Variants in ETFA observed in about 807,000 individuals in gnomAD.
ETFA encodes the protein electron transfer flavoprotein subunit alpha, mitochondrial.
A neutral mutation model predicts 46.2 loss-of-function variants in ETFA; 22 were observed. The ratio of observed to expected loss-of-function variants is 0.48; its 90% CI spans 0.34 to 0.68. The LOEUF (loss-of-function observed/expected upper bound fraction) is 0.68, where lower values mean the gene tolerates loss of function less well. ETFA is among the 30% of genes least tolerant of loss of function. The pLI, the probability that ETFA is intolerant of heterozygous loss-of-function variation, is 0.01. For missense variants in ETFA, 345 were observed against 401.1 expected (o/e 0.86, Z 1.19); for synonymous variants, 131 against 139.9 (o/e 0.94, Z 0.45).
chr15:76,227,617 C>T (rs1011079102), intron 10 of ETFA: 4 of 346,160 alleles, frequency 1.2e-5, no homozygotes, highest in Non-Finnish European at 1.7e-5. Flanking sequence ...ATGCTTCTAA[C>T]ACCACTGCAG....
intron 9 of ETFA, among the ~76,000 whole-genome samples, chr15:76,252,374 T>C (rs1050366702): frequency 1.3e-5 from 2 of 152,146 alleles, no homozygotes; most frequent in Non-Finnish European, 2.9e-5. Context: ...ATTTACACAC[T>C]CTCACCTCGT....
At chr15:76,275,662 C>G (rs761728457) in intron 8 of ETFA, among the ~76,000 whole-genome samples, 8 of 152,080 alleles carry the variant, frequency 5.3e-5, no homozygotes, top group Non-Finnish European at 1.0e-4. Flanking sequence ...ATTTGTTGCC[C>G]TTGTTCTTTT....
intron 8 of ETFA, among the ~76,000 whole-genome samples, chr15:76,279,039 T>C (rs2039623091): frequency 6.6e-6 from 1 of 152,194 alleles, no homozygotes; most frequent in Non-Finnish European, 1.5e-5. Flanking sequence ...TGTCCCAGCT[T>C]TATGAAGTCC....
intron 1 of ETFA, among the ~76,000 whole-genome samples, chr15:76,298,053 T>TC (rs1401859058): frequency 2.2e-5 from 3 of 138,846 alleles, no homozygotes; most frequent in Non-Finnish European, 3.2e-5. Context: ...AGATTTTTTT[T>TC]TTTTTTTGAG....
intron 9 of ETFA, among the ~76,000 whole-genome samples, chr15:76,268,664 A>G (rs1473541966): frequency 6.6e-6 from 1 of 152,216 alleles, no homozygotes. Flanking sequence ...AAGTTACAGA[A>G]GACAGACCTC....
At chr15:76,274,350 C>T in intron 9 of ETFA, 62 bp downstream of exon 9, 1 of 1,271,264 alleles carries the variant, frequency 7.9e-7, no homozygotes, top group Non-Finnish European at 1.1e-6. Flanking sequence ...CACTGTTCAA[C>T]AAATACATAC....
At chr15:76,229,243 C>T (rs1044675218) in intron 10 of ETFA, 1 of 152,180 alleles carries the variant, frequency 6.6e-6, no homozygotes, top group African/African-American at 2.4e-5. Flanking sequence ...GGGGCTATGA[C>T]AACACAGGAC....
In ETFA at chr15:76,243,424, A is replaced by T. The variant is rs1488924858; in HGVS notation, c.817-12026T>A. 4.7e-5 allele frequency among the ~76,000 whole-genome samples: 7 copies of T among 148,978 alleles called. No homozygotes were observed. The Admixed American group carries it at 4.8e-4, about 10-fold the overall frequency. On this transcript the variant is annotated intron_variant, in intron 9 of 11. Coordinates refer to ENST00000557943, the MANE Select transcript of ETFA (RefSeq NM_000126.4). The stretch of plus-strand genomic sequence containing the variant: ...ATTCTAGAATCTTGTGGTAATTATT[A>T]AAAATTATTTACATTAAAAATAATA...
intron 1 of ETFA, among the ~76,000 whole-genome samples, chr15:76,302,172 C>A (rs922275549): frequency 2.0e-5 from 3 of 152,216 alleles, no homozygotes; most frequent in Admixed American, 6.5e-5. Context: ...AATCTAGCAA[C>A]TGCACTCCTT....
chr15:76,236,709 GTC>G (rs1475516423), intron 9 of ETFA, among the ~76,000 whole-genome samples: 1 of 152,116 alleles, frequency 6.6e-6, no homozygotes, highest in African/African-American at 2.4e-5. Context: ...AATATAGAGA[GTC>G]ACAAATAGAT....
At chr15:76,297,568 G>T (rs2039837610) in intron 1 of ETFA, among the ~76,000 whole-genome samples, 1 of 151,958 alleles carries the variant, frequency 6.6e-6, no homozygotes, top group Admixed American at 6.6e-5. Flanking sequence ...AGATTTGGTG[G>T]CAGAAGGCCC....
At chr15:76,264,447 G>A (rs373791370) in intron 9 of ETFA, among the ~76,000 whole-genome samples, 1 of 152,166 alleles carries the variant, frequency 6.6e-6, no homozygotes, top group African/African-American at 2.4e-5. Context: ...TGTGCTCTGT[G>A]TGCTTATGGG....
At chr15:76,232,927 TAAAGTGTCC>T (rs1463184532) in intron 9 of ETFA, among the ~76,000 whole-genome samples, 1 of 152,190 alleles carries the variant, frequency 6.6e-6, no homozygotes, top group East Asian at 1.9e-4. Context: ...TTTACAAGCA[TAAAGTGTCC>T]AACTGCTCCT....
intron 1 of ETFA, among the ~76,000 whole-genome samples, chr15:76,297,833 A>G (rs1362546245): frequency 2.6e-5 from 4 of 152,232 alleles, no homozygotes; most frequent in African/African-American, 9.6e-5. Context: ...AATTTTTAAA[A>G]TATTAAACTT....
At chr15:76,254,704 TCACTCTGATGGCTAATAGAATGTATG>T (rs2039332528) in intron 9 of ETFA, among the ~76,000 whole-genome samples, 12 of 152,214 alleles carry the variant, frequency 7.9e-5, no homozygotes, top group Admixed American at 2.0e-4. Flanking sequence ...AAAGAAACCA[TCACTCTGATGGCTAATAGAATGTATG>T]CATCTGTATT....
At chr15:76,254,058 T>C (rs549031014) in intron 9 of ETFA, among the ~76,000 whole-genome samples, 3 of 152,318 alleles carry the variant, frequency 2.0e-5, no homozygotes, top group Non-Finnish European at 4.4e-5. Context: ...GGGAGGCACA[T>C]TGAAATGAGC....
intron 1 of ETFA, among the ~76,000 whole-genome samples, chr15:76,302,167 A>G (rs975084896): frequency 1.3e-5 from 2 of 152,270 alleles, no homozygotes; most frequent in Non-Finnish European, 2.9e-5. Flanking sequence ...CATACAATCT[A>G]GCAACTGCAC....
At position 76,306,079 on chromosome 15, in the gene ETFA, T is replaced by A. The variant is rs367984568; in HGVS notation, c.39+5271A>T. Reference sequence around the variant, plus strand: ...AGAGTTCTTGCTGTGACTTGAACTGTATATTCACATAGTAAAGTACCACAG... The same window carrying A: ...AGAGTTCTTGCTGTGACTTGAACTGAATATTCACATAGTAAAGTACCACAG... On this transcript the variant is annotated intron_variant, in intron 1 of 11. Transcript: ENST00000557943. 2.5e-4 allele frequency among the ~76,000 whole-genome samples: 38 copies of A among 152,014 alleles called. 2 individuals are homozygous for A. In the South Asian group the frequency reaches 7.5e-3, roughly 30 times the overall value.
chr15:76,271,925 AC>A (rs2039537739), intron 9 of ETFA, among the ~76,000 whole-genome samples: 1 of 152,020 alleles, frequency 6.6e-6, no homozygotes, highest in Non-Finnish European at 1.5e-5. Flanking sequence ...ACACACACAC[AC>A]ACACACACAC....
Sources: allele counts gnomAD v4.1 joint callset (sites outside exome capture counted in the v4.1 genomes callset), GRCh38; gene constraint gnomAD v4.1.1; transcripts MANE v1.5; gene names NCBI Gene and HGNC (gene_info 2026-07-23, HGNC 2026-07-21).